CDC20B: variants seen among roughly 807,000 people sequenced by gnomAD.
CDC20B encodes cell division cycle protein 20 homolog B.
In CDC20B, 58 loss-of-function variants were observed where a neutral mutation model predicts 64.1. The observed-to-expected ratio is 0.90, with a 90% CI of 0.73 to 1.13. CDC20B has a LOEUF of 1.13. Ranked by LOEUF, CDC20B falls within the 50% of genes most tolerant of loss-of-function variation. The pLI is 0.00. For missense variants in CDC20B, 597 were observed against 633.0 expected (o/e 0.94, Z 0.61); for synonymous variants, 243 against 230.6 (o/e 1.05, Z -0.49).
At position 55,114,240 on chromosome 5, in the gene CDC20B, G is replaced by A; in HGVS notation, c.1538C>T (p.Ala513Val). 1 of 1,613,676 alleles carries A rather than the reference G, an allele frequency of 6.2e-7. No individual in the cohort carries two copies. The highest frequency in any genetic ancestry group is 8.5e-7 in the Non-Finnish European group (1 of 1,179,756). Residue 513 changes from alanine to valine, a missense_variant, in exon 12 of 12, where the codon GCC (alanine) becomes GTC (valine). This residue lies in a region of CDC20B where 353 missense variants were observed against 397.0 expected (regional missense o/e 0.89). Coordinates refer to ENST00000381375, the MANE Select transcript of CDC20B (RefSeq NM_001170402.1). This position sits in a 1 kb window ranked among gnomAD's most constrained non-coding sequence, Gnocchi z 4.1. Reference sequence around the variant, plus strand: ...GTGCTAGTAGCAATTCCATACAGAGGCCGTCCCATCAGCTGCAGCAGAAAA... The same window carrying A: ...GTGCTAGTAGCAATTCCATACAGAGACCGTCCCATCAGCTGCAGCAGAAAA... The part of the protein sequence containing the change: ...RVFSAAADGT[A>V]SVWNCY
At chr5:55,133,316 AG>A in intron 6 of CDC20B, 95 bp downstream of exon 6, 1 of 557,830 alleles carries the variant, frequency 1.8e-6, no homozygotes, top group Admixed American at 2.8e-5. Context: ...TGAGACATAA[AG>A]GCCATCTGGT....
rs145246156 is a variant in CDC20B, at chr5:55,124,304, T to C, written c.1215+499A>G. On this transcript the variant is annotated intron_variant, in intron 9 of 11. Coordinates refer to ENST00000381375, the MANE Select transcript of CDC20B (RefSeq NM_001170402.1). ...GAATGTGACCAAAGGCAGACTAGAG[T>C]CCTCCCTGGCACATTTCCACCAGAG... Among the ~76,000 whole-genome samples, 470 of 152,068 alleles carry C rather than the reference T, an allele frequency of 3.1e-3. 5 individuals are homozygous for C. Among genetic ancestry groups the C allele is most frequent in the African/African-American group, 0.011 (441 of 41,466 alleles).
At chr5:55,124,678 T>C in intron 9 of CDC20B, 125 bp downstream of exon 9, 1 of 867,744 alleles carries the variant, frequency 1.2e-6, no homozygotes, top group Non-Finnish European at 1.7e-6. Context: ...GATGACAAAC[T>C]CCAAAGCAAA....
chr5:55,153,912 T>A (rs184742768), intron 2 of CDC20B, among the ~76,000 whole-genome samples: 1 of 152,202 alleles, frequency 6.6e-6, no homozygotes, highest in Admixed American at 6.5e-5. Context: ...CCCACTACAA[T>A]ATGAGCAAAC....
rs1037194874 is a variant in CDC20B, at chr5:55,117,532, T to C, written c.1459+2269A>G. 7.9e-5 allele frequency among the ~76,000 whole-genome samples: 12 copies of C among 152,278 alleles called. No homozygotes were observed. In the South Asian group the frequency reaches 1.5e-3, roughly 18 times the overall value. ...CACTACATTCATAATCCAATGGTCA[T>C]GACCCCCAGTTTGAAGACCCTGATC... On this transcript the variant is annotated intron_variant, in intron 11 of 11. Coordinates refer to ENST00000381375, the MANE Select transcript of CDC20B (RefSeq NM_001170402.1).
At chr5:55,128,315 G>T in intron 7 of CDC20B, 106 bp downstream of exon 7, 2 of 740,464 alleles carry the variant, frequency 2.7e-6, no homozygotes, top group African/African-American at 2.0e-5. Context: ...CATACTTCAA[G>T]AGCCACACCT....
intron 6 of CDC20B, among the ~76,000 whole-genome samples, chr5:55,130,141 T>C (rs1281841684): frequency 6.6e-6 from 1 of 152,112 alleles, no homozygotes; most frequent in Non-Finnish European, 1.5e-5. Flanking sequence ...AAGTATTTTC[T>C]AAGTAAAGAA....
At chr5:55,154,640 T>G (rs922550017) in intron 2 of CDC20B, among the ~76,000 whole-genome samples, 1 of 152,114 alleles carries the variant, frequency 6.6e-6, no homozygotes, top group South Asian at 2.1e-4. Flanking sequence ...CCAGGACCCA[T>G]GAAGGGGTAG....
chr5:55,130,492 GAAC>G (rs774121210), intron 6 of CDC20B, among the ~76,000 whole-genome samples: 29 of 152,246 alleles, frequency 1.9e-4, no homozygotes, highest in South Asian at 6.2e-4. Context: ...ACAGTCAATG[GAAC>G]AACATCTTTT....
chr5:55,160,486 G>T (rs77778701), intron 2 of CDC20B: 11,280 of 956,230 alleles, frequency 0.012, 99 homozygotes, highest in Middle Eastern at 0.02. Flanking sequence ...CTGTTACATG[G>T]TCATAAGTTG....
chr5:55,152,503 A>G (rs1455269918), intron 2 of CDC20B, among the ~76,000 whole-genome samples: 2 of 152,234 alleles, frequency 1.3e-5, no homozygotes, highest in South Asian at 2.1e-4. Flanking sequence ...GAGTTGGAAG[A>G]CAAATCTTAA....
chr5:55,160,957 T>C (rs745779383), intron 2 of CDC20B: 1 of 1,580,178 alleles, frequency 6.3e-7, no homozygotes, highest in Non-Finnish European at 8.6e-7. Context: ...AATCTTTTGC[T>C]TCACTTTCCG....
At chr5:55,153,453 T>C (rs999847526) in intron 2 of CDC20B, among the ~76,000 whole-genome samples, 24 of 152,042 alleles carry the variant, frequency 1.6e-4, no homozygotes, top group African/African-American at 5.8e-4. Context: ...GAGCAAAACA[T>C]GACAAATAAG....
At chr5:55,167,425 CT>C (rs1744450727) in intron 2 of CDC20B, among the ~76,000 whole-genome samples, 1 of 152,034 alleles carries the variant, frequency 6.6e-6, no homozygotes, top group Non-Finnish European at 1.5e-5. Context: ...ATAATGGTGG[CT>C]GGTACATGTT....
chr5:55,148,813 G>A (rs1031254254), intron 2 of CDC20B, among the ~76,000 whole-genome samples: 4 of 152,212 alleles, frequency 2.6e-5, no homozygotes, highest in Admixed American at 2.0e-4. Context: ...GGTTTTACAC[G>A]TTTGTATTTA....
intron 2 of CDC20B, among the ~76,000 whole-genome samples, chr5:55,152,773 G>A (rs530760634): frequency 1.3e-5 from 2 of 152,154 alleles, no homozygotes; most frequent in African/African-American, 4.8e-5. Flanking sequence ...TAAGACCAGG[G>A]ACTTTGTCTT....
chr5:55,128,346 A>T, intron 7 of CDC20B, 75 bp downstream of exon 7: 1 of 1,198,392 alleles, frequency 8.3e-7, no homozygotes, highest in Non-Finnish European at 1.2e-6. Context: ...TTTTACATTA[A>T]CTTGTTATTA....
Position 55,146,167 on chromosome 5 carries a change from T to C in CDC20B, c.355+461A>G, listed in dbSNP as rs139671231. Among the ~76,000 whole-genome samples, 1,273 of 152,270 alleles carry C rather than the reference T, an allele frequency of 8.4e-3. 6 individuals are homozygous for C. Among genetic ancestry groups the C allele is most frequent in the Non-Finnish European group, 0.013 (866 of 68,020 alleles). On this transcript the variant is annotated intron_variant, in intron 3 of 11. Transcript: ENST00000381375. ...AACCTAACTTGGGATGTAAACTAAC[T>C]GAAAGCCTAACTTAGCTGAGTCTCC...
At chr5:55,149,273 A>C (rs571797156) in intron 2 of CDC20B, among the ~76,000 whole-genome samples, 1 of 152,222 alleles carries the variant, frequency 6.6e-6, no homozygotes, top group African/African-American at 2.4e-5. Flanking sequence ...AAGTGTACAG[A>C]ATGTGAAAGG....
Sources: allele counts gnomAD v4.1 joint callset (sites outside exome capture counted in the v4.1 genomes callset), GRCh38; gene constraint gnomAD v4.1.1; regional missense constraint gnomAD v4.1.1; non-coding constraint Gnocchi (gnomAD v3.1); transcripts MANE v1.5; gene names NCBI Gene and HGNC (gene_info 2026-07-23, HGNC 2026-07-21).